Variants in FCRL5 observed in about 807,000 individuals in gnomAD.
FCRL5 encodes the protein Fc receptor like 5, also known as Fc receptor-like protein 5.
In FCRL5, 79 loss-of-function variants were observed where a neutral mutation model predicts 92.1. The ratio of observed to expected loss-of-function variants is 0.86; its 90% confidence interval spans 0.72 to 1.03. FCRL5 has a LOEUF of 1.03. Among genes scored for constraint, FCRL5 ranks in the 50% least tolerant of loss-of-function variants. The probability of loss-of-function intolerance (pLI) is 0.00; values close to 1 mark genes in which losing one functional copy is unlikely to be tolerated. For missense variants in FCRL5, 1,160 were observed against 1,181.1 expected, an observed-to-expected ratio of 0.98 and a Z score of 0.26; for synonymous variants, 466 against 469.3, an observed-to-expected ratio of 0.99 and a Z score of 0.09.
At chr1:157,516,121 C>T (rs1274144059) in intron 15 of FCRL5, 3 of 594,908 alleles carry the variant, frequency 5.0e-6, no homozygotes, top group Non-Finnish European at 9.0e-6. Context: ...TGCCTAGAGG[C>T]CCTCAAGAGA....
rs371288290 is a variant in FCRL5, at chr1:157,518,652, C to T, written c.2743+48G>A. 868 of 1,567,672 alleles carry T rather than the reference C, an allele frequency of 5.5e-4. 3 individuals are homozygous for T. In the African/African-American group the frequency reaches 9.7e-3, roughly 18 times the overall value. The stretch of plus-strand genomic sequence containing the variant: ...CCCATCTCCTGCCCCACCGCTTTCC[C>T]ACACCAGCCCTCCAGCTTCTGCCAA... On this transcript the variant is annotated intron_variant, in intron 14 of 16. Transcript: ENST00000361835.
At chr1:157,525,015 A>T (rs947556701) in intron 9 of FCRL5, among the ~76,000 whole-genome samples, 5 of 152,188 alleles carry the variant, frequency 3.3e-5, no homozygotes, top group Admixed American at 1.3e-4. Flanking sequence ...TTGAACAAAA[A>T]TTTTTTAAAA....
chr1:157,544,112 C>A, intron 5 of FCRL5, 150 bp downstream of exon 5: 1 of 800,486 alleles, frequency 1.2e-6, no homozygotes, highest in East Asian at 2.5e-5. Context: ...CTAAGATGTT[C>A]ACAAGAGTAG....
rs1339429103 is a variant in FCRL5 at position 157,520,518 on chromosome 1, C to T, written c.2545G>A (p.Ala849Thr). ...AGCAGGCCCCCGGCGACTCCTGTGG[C>T]AAAAGGGCCACTTCTGTTCGCGGTC... ...GLTANRSGPF[A>T]TGVAGGLLSI... Residue 849 changes from alanine to threonine, a missense_variant, in exon 12 of 17, where the codon GCC (alanine) becomes ACC (threonine). By Grantham distance (58) the Ala-to-Thr change is moderately conservative. Coordinates refer to ENST00000361835, the MANE Select transcript of FCRL5 (RefSeq NM_031281.3). 2.5e-6 allele frequency: 4 copies of T among 1,579,582 alleles called. No individual in the cohort carries two copies. The highest frequency in any genetic ancestry group is 2.3e-5 in the East Asian group (1 of 42,686).
intron 3 of FCRL5, 28 bp downstream of exon 3, chr1:157,546,915 A>G (rs1176505897): frequency 6.2e-7 from 1 of 1,601,220 alleles, no homozygotes; most frequent in Admixed American, 1.7e-5. Context: ...TGATTTCTAA[A>G]GTTGGTGCGT....
Position 157,535,943 on chromosome 1 carries a change from G to GTT in FCRL5, c.1403-1053_1403-1052dup, listed in dbSNP as rs60191062. On this transcript the variant is annotated intron_variant, in intron 7 of 16. Coordinates refer to ENST00000361835, the MANE Select transcript of FCRL5 (RefSeq NM_031281.3). ...GGCTAAATTCACTGGATGTGACTCA[G>GTT]TTTTTTTTTTTTTTTTGAGATGGAG... Among the ~76,000 whole-genome samples the GTT allele has an allele frequency of 4.2e-4, 38 of 90,032 alleles. 3 individuals are homozygous for GTT. The highest frequency in any genetic ancestry group is 1.3e-3 in the African/African-American group (34 of 26,568). The allele number at this position is 90,032 out of a possible 152,430, so 59.1% of individuals were successfully genotyped here.
intron 10 of FCRL5, chr1:157,522,559 T>C (rs1165245369): frequency 6.6e-6 from 1 of 152,216 alleles, no homozygotes; most frequent in Non-Finnish European, 1.5e-5. Flanking sequence ...ATTAAACATT[T>C]AGCACAGAGC....
intron 10 of FCRL5, among the ~76,000 whole-genome samples, chr1:157,523,119 C>T (rs184042871): frequency 1.1e-4 from 16 of 152,302 alleles, no homozygotes; most frequent in East Asian, 3.9e-4. Flanking sequence ...GGTTAGCATG[C>T]CCAGATCAAC....
chr1:157,546,481 AAACC>A (rs1651543994), intron 3 of FCRL5, among the ~76,000 whole-genome samples: 1 of 151,972 alleles, frequency 6.6e-6, no homozygotes, highest in Admixed American at 6.6e-5. Flanking sequence ...AAACCAAACC[AAACC>A]AAACCAAACC....
intron 13 of FCRL5, chr1:157,519,154 A>C (rs1650068127): frequency 5.3e-6 from 1 of 188,936 alleles, no homozygotes. Context: ...GCTCAGAGAG[A>C]TCAGTGACCA....
At chr1:157,520,684 A>G in intron 11 of FCRL5, 137 bp from the exon 12 acceptor site, 1 of 656,130 alleles carries the variant, frequency 1.5e-6, no homozygotes, top group East Asian at 2.8e-5. Context: ...CTGGTGTGGC[A>G]CAGAAGATGG....
rs115727945 is a variant in FCRL5 at position 157,516,743 on chromosome 1, C to T, written c.2813-870G>A. Among the ~76,000 whole-genome samples the T allele has an allele frequency of 4.7e-3, 721 of 152,268 alleles. 4 individuals carry two copies. Among genetic ancestry groups the T allele is most frequent in the African/African-American group, 0.017 (689 of 41,540 alleles). On this transcript the variant is annotated intron_variant, in intron 15 of 16. Transcript: ENST00000361835. ...TCCAGACAAGGCTCTGCCCTTTTGG[C>T]TTGGAATGAGCATCAGGACTCCCTG...
chr1:157,546,253 G>T, intron 3 of FCRL5: 1 of 454,216 alleles, frequency 2.2e-6, no homozygotes, highest in South Asian at 1.6e-5. Context: ...TTCAACATTA[G>T]CCTGGGCAGC....
intron 8 of FCRL5, chr1:157,533,025 C>T (rs1163421335): frequency 1.3e-5 from 2 of 152,118 alleles, no homozygotes; most frequent in Non-Finnish European, 2.9e-5. Flanking sequence ...GTCTGGACCT[C>T]CTCTCTCTTT....
intron 12 of FCRL5, 34 bp downstream of exon 12, chr1:157,520,397 G>T (rs1412349143): frequency 1.3e-5 from 19 of 1,467,014 alleles, no homozygotes; most frequent in Non-Finnish European, 1.7e-5. Context: ...GGAAGGGCAT[G>T]AACTCAAGCC....
At chr1:157,518,297 T>G in intron 15 of FCRL5, 132 bp downstream of exon 15, 1 of 723,632 alleles carries the variant, frequency 1.4e-6, no homozygotes, top group Middle Eastern at 2.8e-4. Flanking sequence ...TAGGCACACA[T>G]AAAGAAGCCC....
In FCRL5 at chr1:157,515,574, G is replaced by A; in HGVS notation, c.*101C>T. On this transcript the variant is annotated 3_prime_UTR_variant, in exon 17 of 17. Coordinates refer to ENST00000361835, the MANE Select transcript of FCRL5 (RefSeq NM_031281.3). Reference sequence around the variant, plus strand: ...ATGTGAAACAAAGGCCAGTAGATATGGTCTGGGGCAGCCTAAATCTTCCCA... The same window carrying A: ...ATGTGAAACAAAGGCCAGTAGATATAGTCTGGGGCAGCCTAAATCTTCCCA... 2 of 1,611,796 alleles carry A rather than the reference G, an allele frequency of 1.2e-6. No homozygotes were observed.
chr1:157,535,230 C>A (rs902430628), intron 7 of FCRL5, among the ~76,000 whole-genome samples: 1 of 152,244 alleles, frequency 6.6e-6, no homozygotes, highest in African/African-American at 2.4e-5. Context: ...CTTCTTCCTG[C>A]AACCATGCAG....
At chr1:157,527,581 C>T (rs748938270) in intron 9 of FCRL5, 36 bp downstream of exon 9, 2 of 1,536,422 alleles carry the variant, frequency 1.3e-6, no homozygotes, top group Non-Finnish European at 1.8e-6. Flanking sequence ...GGGAGATGGT[C>T]TTTTTATTTT....
Sources: allele counts gnomAD v4.1 joint callset (sites outside exome capture counted in the v4.1 genomes callset), GRCh38; gene constraint gnomAD v4.1.1; transcripts MANE v1.5; gene names NCBI Gene and HGNC (gene_info 2026-07-23, HGNC 2026-07-21).